The following ZBTB20 variants were observed in gnomAD, a reference collection of about 807,000 sequenced individuals.
ZBTB20 encodes the protein zinc finger and BTB domain-containing protein 20.
In ZBTB20, 9 loss-of-function variants were observed where a neutral mutation model predicts 56.9. That is an observed-to-expected ratio of 0.16 (90% CI 0.10 to 0.28). The LOEUF (loss-of-function observed/expected upper bound fraction) is 0.28. ZBTB20 is among the 10% of genes least tolerant of loss of function. The probability of loss-of-function intolerance (pLI) is 1.00; values close to 1 mark genes in which losing one functional copy is unlikely to be tolerated. For synonymous variants in ZBTB20, 417 were observed against 420.7 expected (o/e 0.99, Z 0.11); for missense variants, 655 against 1,003.0 (o/e 0.65, Z 4.69).
At chr3:114,825,869 G>A (rs986959696) in intron 4 of ZBTB20, among the ~76,000 whole-genome samples, 1 of 151,660 alleles carries the variant, frequency 6.6e-6, no homozygotes, top group Admixed American at 6.6e-5. Flanking sequence ...TTTCTTCCTC[G>A]CTGGGGTCTT....
chr3:115,019,168 T>G (rs2080102123), intron 2 of ZBTB20, among the ~76,000 whole-genome samples: 1 of 151,322 alleles, frequency 6.6e-6, no homozygotes, highest in Non-Finnish European at 1.5e-5. Flanking sequence ...CCAATGTTGT[T>G]GTTACCCCTC....
rs936331627 is a variant in ZBTB20 at position 115,055,869 on chromosome 3, C to T, written c.-507+15350G>A. On this transcript the variant is annotated intron_variant, in intron 2 of 11. Coordinates refer to ENST00000675478, the MANE Select transcript of ZBTB20 (RefSeq NM_001348800.3). ...TAATTATAGAGAACAGTACAATAAA[C>T]GTATTATAAGAAAACACTAAGAATA... 5.3e-5 allele frequency among the ~76,000 whole-genome samples: 8 copies of T among 151,948 alleles called. No individual in the cohort carries two copies. The South Asian group carries it at 1.0e-3, about 20-fold the overall frequency.
At chr3:114,571,572 G>C (rs1246587419) in intron 6 of ZBTB20, among the ~76,000 whole-genome samples, 3 of 152,146 alleles carry the variant, frequency 2.0e-5, no homozygotes, top group South Asian at 2.1e-4. Context: ...GAAGCAGCAA[G>C]GCTTTTGGTA....
chr3:114,618,011 T>C (rs905288725), intron 6 of ZBTB20, among the ~76,000 whole-genome samples: 1 of 151,156 alleles, frequency 6.6e-6, no homozygotes, highest in Non-Finnish European at 1.5e-5. Flanking sequence ...ATATTTTACA[T>C]ATATATATAT....
chr3:114,504,155 A>G (rs1350311572), intron 6 of ZBTB20, among the ~76,000 whole-genome samples: 1 of 152,206 alleles, frequency 6.6e-6, no homozygotes, highest in South Asian at 2.1e-4. Context: ...GGGTAAGGGT[A>G]TGTGGTTAGA....
chr3:114,990,700 C>G (rs2078764801), intron 2 of ZBTB20, among the ~76,000 whole-genome samples: 1 of 152,014 alleles, frequency 6.6e-6, no homozygotes, highest in Non-Finnish European at 1.5e-5. Context: ...CTCCTTGTAC[C>G]TCTGGTAGAA....
chr3:114,801,325 T>A (rs1359374476), intron 4 of ZBTB20, 151 bp from the exon 5 acceptor site: 2 of 137,342 alleles, frequency 1.5e-5, no homozygotes, highest in Non-Finnish European at 1.6e-5. Flanking sequence ...TTTTTTTCTG[T>A]TAAGGAAAAA....
intron 5 of ZBTB20, among the ~76,000 whole-genome samples, chr3:114,749,426 A>T (rs568645917): frequency 3.3e-5 from 5 of 151,982 alleles, no homozygotes; most frequent in South Asian, 2.1e-4. Flanking sequence ...GGCGGTGGAT[A>T]CCTGTAATCC....
At chr3:115,036,159 G>A (rs2080909185) in intron 2 of ZBTB20, among the ~76,000 whole-genome samples, 1 of 151,780 alleles carries the variant, frequency 6.6e-6, no homozygotes, top group Admixed American at 6.6e-5. Context: ...GGTGGTAATG[G>A]GTTCACAATA....
chr3:114,473,633 C>T (rs1339341726), intron 7 of ZBTB20, among the ~76,000 whole-genome samples: 2 of 152,060 alleles, frequency 1.3e-5, no homozygotes, highest in Non-Finnish European at 2.9e-5. Flanking sequence ...AGTTTGAGGC[C>T]AGCCTGGGGC....
chr3:115,014,527 T>C (rs1429645890), intron 2 of ZBTB20, among the ~76,000 whole-genome samples: 3 of 151,720 alleles, frequency 2.0e-5, no homozygotes, highest in Admixed American at 6.6e-5. Flanking sequence ...AAATACCTCA[T>C]GTACCCCATA....
At chr3:114,669,020 C>T (rs1018010654) in intron 6 of ZBTB20, among the ~76,000 whole-genome samples, 4 of 152,096 alleles carry the variant, frequency 2.6e-5, no homozygotes, top group Admixed American at 6.6e-5. Flanking sequence ...TTGTGGTTCA[C>T]TCCAGTAATA....
chr3:114,634,738 G>T (rs2059159139), intron 6 of ZBTB20, among the ~76,000 whole-genome samples: 1 of 152,190 alleles, frequency 6.6e-6, no homozygotes, highest in Admixed American at 6.5e-5. Flanking sequence ...GACTGGCTTA[G>T]CTCAACACTG....
intron 6 of ZBTB20, among the ~76,000 whole-genome samples, chr3:114,563,670 G>T (rs1215708940): frequency 6.6e-6 from 1 of 152,150 alleles, no homozygotes; most frequent in Non-Finnish European, 1.5e-5. Context: ...CTGATAACTA[G>T]TGCTAGGGAC....
In ZBTB20 at chr3:114,329,792, A is replaced by C. The variant is rs1458042086; in HGVS notation, c.*9213T>G. ...CCAAGCTGCCTCCAGGGAAAGGTTG[A>C]AGACTAGTTAAAATAATTCTAAGCG... is the stretch of plus-strand genomic sequence containing the variant. On this transcript the variant is annotated 3_prime_UTR_variant, in exon 12 of 12. Transcript: ENST00000675478. 6.7e-6 allele frequency: 1 copy of C among 150,336 alleles called. No homozygotes were observed. The highest frequency in any genetic ancestry group is 2.0e-4 in the East Asian group (1 of 4,928). 9.3% of individuals were successfully genotyped at this position (150,336 alleles called of 1,614,324 possible). A position where few individuals can be genotyped will look rare whatever the true frequency, so the allele number is the denominator to read the frequency against.
chr3:114,633,165 A>G (rs2059055119), intron 6 of ZBTB20, among the ~76,000 whole-genome samples: 2 of 152,230 alleles, frequency 1.3e-5, no homozygotes, highest in South Asian at 4.1e-4. Context: ...TTCTAGTGAT[A>G]CCAAGAACTG....
chr3:114,480,462 T>C (rs2041406124), intron 7 of ZBTB20, among the ~76,000 whole-genome samples: 1 of 152,210 alleles, frequency 6.6e-6, no homozygotes, highest in Non-Finnish European at 1.5e-5. Flanking sequence ...ACAAACTGCA[T>C]GTTGCTTTAT....
chr3:114,677,444 T>C (rs2061693685), intron 6 of ZBTB20, among the ~76,000 whole-genome samples: 3 of 152,100 alleles, frequency 2.0e-5, no homozygotes, highest in Non-Finnish European at 4.4e-5. Flanking sequence ...CAGCATTAGA[T>C]TCTCATTGGA....
intron 2 of ZBTB20, among the ~76,000 whole-genome samples, chr3:115,052,910 T>C (rs1456508149): frequency 6.6e-6 from 1 of 152,230 alleles, no homozygotes; most frequent in African/African-American, 2.4e-5. Context: ...TTTCATTCTT[T>C]AATTGAATTT....
Sources: gnomAD v4.1 joint callset for allele counts (sites outside exome capture counted in the v4.1 genomes callset) on GRCh38, gnomAD v4.1.1 for gene constraint, MANE v1.5 for transcripts, NCBI Gene and HGNC (gene_info 2026-07-23, HGNC 2026-07-21) for gene names.